ROBO2: variants seen among roughly 807,000 people sequenced by gnomAD.
The protein encoded by ROBO2 is roundabout homolog 2.
ROBO2 carries 53 observed loss-of-function variants against 160.8 expected under a neutral mutation model. The ratio of observed to expected loss-of-function variants is 0.33; its 90% CI spans 0.26 to 0.41. The LOEUF (loss-of-function observed/expected upper bound fraction) is 0.41, where lower values mean the gene tolerates loss of function less well. Among genes scored for constraint, ROBO2 ranks in the 10% least tolerant of loss-of-function variants. The pLI, the probability that ROBO2 is intolerant of heterozygous loss-of-function variation, is 1.00. For missense variants in ROBO2, 1,577 were observed against 1,722.4 expected, an observed-to-expected ratio of 0.92 and a Z score of 1.49; for synonymous variants, 664 against 611.7, an observed-to-expected ratio of 1.09 and a Z score of -1.26.
At position 76,442,266 on chromosome 3, in the gene ROBO2, G is replaced by A. The variant is rs146988213; in HGVS notation, c.109+504664G>A. ...CCGAGGATATATTGTGTTCATCTGC[G>A]TCAAAAACTGCCCCAGCAACTTATC... On this transcript the variant is annotated intron_variant, in intron 2 of 26. Transcript: ENST00000487694. 3.9e-3 allele frequency among the ~76,000 whole-genome samples: 592 copies of A among 152,170 alleles called. 5 individuals are homozygous for A. Among genetic ancestry groups the A allele is most frequent in the African/African-American group, 0.013 (548 of 41,530 alleles).
chr3:76,527,652 T>TAA (rs562583184), intron 2 of ROBO2, among the ~76,000 whole-genome samples: 5 of 152,174 alleles, frequency 3.3e-5, no homozygotes, highest in African/African-American at 1.2e-4. Context: ...ATGAGATTTT[T>TAA]AAAAAAATAC....
At chr3:76,920,005 C>A (rs2076562232) in intron 2 of ROBO2, among the ~76,000 whole-genome samples, 1 of 152,124 alleles carries the variant, frequency 6.6e-6, no homozygotes. Context: ...AGGATGGCAA[C>A]ATAATTTGTA....
At chr3:77,559,627 C>G (rs755769532) in intron 9 of ROBO2, among the ~76,000 whole-genome samples, 2 of 152,006 alleles carry the variant, frequency 1.3e-5, no homozygotes, top group Non-Finnish European at 2.9e-5. Flanking sequence ...AAATTTTTAA[C>G]TACACATATT....
At chr3:77,389,513 A>G (rs185135482) in intron 2 of ROBO2, among the ~76,000 whole-genome samples, 186 of 152,286 alleles carry the variant, frequency 1.2e-3, no homozygotes, top group Non-Finnish European at 2.0e-3. Context: ...TTTAACCAGG[A>G]AAGTCAGCAG....
intron 2 of ROBO2, among the ~76,000 whole-genome samples, chr3:76,493,084 G>C (rs2107546008): frequency 6.6e-6 from 1 of 151,958 alleles, no homozygotes; most frequent in African/African-American, 2.4e-5. Context: ...CATGTTTGGG[G>C]CATGTTTTTG....
At chr3:77,629,625 A>G (rs573910153) in intron 23 of ROBO2, 1 of 152,300 alleles carries the variant, frequency 6.6e-6, no homozygotes, top group African/African-American at 2.4e-5. Flanking sequence ...AAGTATATCA[A>G]AGCATAACCA....
intron 2 of ROBO2, among the ~76,000 whole-genome samples, chr3:76,666,419 G>A (rs765214093): frequency 4.6e-5 from 7 of 151,960 alleles, no homozygotes; most frequent in South Asian, 4.2e-4. Context: ...GTATAACTTG[G>A]TAAACATTAT....
At chr3:76,392,404 T>C (rs2077199041) in intron 2 of ROBO2, among the ~76,000 whole-genome samples, 1 of 152,138 alleles carries the variant, frequency 6.6e-6, no homozygotes, top group Admixed American at 6.5e-5. Context: ...GTACAAATTG[T>C]TTTGGTTTAT....
intron 2 of ROBO2, among the ~76,000 whole-genome samples, chr3:76,319,762 T>A (rs544289070): frequency 1.3e-5 from 2 of 151,934 alleles, no homozygotes; most frequent in African/African-American, 2.4e-5. Context: ...TTTTTTTTAA[T>A]GAGAGAATGG....
At chr3:75,994,485 GTT>G (rs1306186385) in intron 2 of ROBO2, among the ~76,000 whole-genome samples, 1 of 152,120 alleles carries the variant, frequency 6.6e-6, no homozygotes. Flanking sequence ...AGTTCTGACG[GTT>G]TTATAAGCAT....
Position 75,909,467 on chromosome 3 carries a change from A to G in ROBO2, c.-14+2507A>G, listed in dbSNP as rs541827965. Reference sequence around the variant, plus strand: ...CATAAAATTGATAGTTACCTTGGGGAACTAAGTATGTTATACACAACTTTG... The same window carrying G: ...CATAAAATTGATAGTTACCTTGGGGGACTAAGTATGTTATACACAACTTTG... On this transcript the variant is annotated intron_variant, in intron 1 of 26. Transcript: ENST00000487694. 2.2e-4 allele frequency among the ~76,000 whole-genome samples: 33 copies of G among 152,316 alleles called. 1 individual carries two copies. The South Asian group carries it at 6.8e-3, about 32-fold the overall frequency.
At chr3:77,479,509 A>G (rs966293947) in intron 3 of ROBO2, among the ~76,000 whole-genome samples, 1 of 152,080 alleles carries the variant, frequency 6.6e-6, no homozygotes, top group African/African-American at 2.4e-5. Context: ...ATGACTTACA[A>G]TTTCCTTTAG....
intron 2 of ROBO2, among the ~76,000 whole-genome samples, chr3:77,415,963 A>G (rs2077182625): frequency 6.6e-6 from 1 of 152,066 alleles, no homozygotes; most frequent in Non-Finnish European, 1.5e-5. Context: ...TTTTCTCCAC[A>G]TTGCTTGGTG....
intron 2 of ROBO2, among the ~76,000 whole-genome samples, chr3:77,421,040 G>T (rs932225039): frequency 6.6e-6 from 1 of 152,110 alleles, no homozygotes; most frequent in African/African-American, 2.4e-5. Flanking sequence ...TAGTATGGAA[G>T]GGAAAACCAT....
chr3:76,811,198 T>C (rs1320831048), intron 2 of ROBO2, among the ~76,000 whole-genome samples: 2 of 152,268 alleles, frequency 1.3e-5, no homozygotes, highest in Non-Finnish European at 2.9e-5. Flanking sequence ...CCAGCATTTG[T>C]GGTTGGATGA....
At chr3:77,296,364 G>A (rs1399989742) in intron 2 of ROBO2, among the ~76,000 whole-genome samples, 3 of 152,132 alleles carry the variant, frequency 2.0e-5, no homozygotes, top group Non-Finnish European at 2.9e-5. Context: ...TAAAATTGAC[G>A]GTTAAACGGG....
intron 2 of ROBO2, among the ~76,000 whole-genome samples, chr3:77,303,227 C>T (rs551827808): frequency 1.1e-4 from 16 of 152,134 alleles, no homozygotes; most frequent in South Asian, 6.2e-4. Flanking sequence ...TATGGAGTAC[C>T]ATATTAATTT....
intron 12 of ROBO2, 65 bp downstream of exon 13, chr3:77,565,185 G>T (rs1262631305): frequency 2.3e-5 from 36 of 1,545,794 alleles, no homozygotes; most frequent in Non-Finnish European, 3.1e-5. Context: ...AAGAACGAGG[G>T]GCTTGATGAG....
chr3:76,479,812 C>T (rs112483808), intron 2 of ROBO2, among the ~76,000 whole-genome samples: 2 of 152,118 alleles, frequency 1.3e-5, no homozygotes, highest in African/African-American at 2.4e-5. Context: ...TAGGAACAGA[C>T]AGTGTCCAAC....
Sources: allele counts gnomAD v4.1 joint callset (sites outside exome capture counted in the v4.1 genomes callset), GRCh38; gene constraint gnomAD v4.1.1; transcripts MANE v1.5; gene names NCBI Gene and HGNC (gene_info 2026-07-23, HGNC 2026-07-21).